The following OPCML variants were observed in gnomAD, a reference collection of about 807,000 sequenced individuals.
OPCML encodes opioid binding protein/cell adhesion molecule like.
In OPCML, 13 loss-of-function variants were observed where a neutral mutation model predicts 37.8. The ratio of observed to expected loss-of-function variants is 0.34; its 90% CI spans 0.22 to 0.55. OPCML has a LOEUF of 0.55. Among genes scored for constraint, OPCML ranks in the 20% least tolerant of loss-of-function variants. The pLI is 0.91. For synonymous variants in OPCML, 176 were observed against 168.8 expected, an observed-to-expected ratio of 1.04 and a Z score of -0.33; for missense variants, 341 against 435.6, an observed-to-expected ratio of 0.78 and a Z score of 1.93.
intron 2 of OPCML, among the ~76,000 whole-genome samples, chr11:132,837,840 T>C (rs1306103943): frequency 2.0e-5 from 3 of 152,174 alleles, no homozygotes; most frequent in South Asian, 2.1e-4. Flanking sequence ...GCTAAGCGGG[T>C]CAGTACCAAG....
At chr11:132,990,913 T>C (rs1946762347) in intron 1 of OPCML, among the ~76,000 whole-genome samples, 1 of 152,220 alleles carries the variant, frequency 6.6e-6, no homozygotes, top group Non-Finnish European at 1.5e-5. Context: ...ACAAAGCTTA[T>C]AAATGATGAA....
chr11:133,015,431 TGAAG>T (rs768763860), intron 1 of OPCML, among the ~76,000 whole-genome samples: 2,510 of 46,130 alleles, frequency 0.054, 50 homozygotes, highest in Middle Eastern at 0.12. Context: ...AAGGAAGGAA[TGAAG>T]GAAGGAAGGA....
At chr11:132,420,787 C>G (rs1230226537) in intron 7 of OPCML, among the ~76,000 whole-genome samples, 1 of 152,128 alleles carries the variant, frequency 6.6e-6, no homozygotes, top group East Asian at 1.9e-4. Context: ...ATGCATGCAA[C>G]CTAGGTGTTG....
chr11:133,437,443 A>T (rs1481231453), intron 1 of OPCML, among the ~76,000 whole-genome samples: 4 of 152,092 alleles, frequency 2.6e-5, no homozygotes, highest in Admixed American at 2.6e-4. Context: ...CACTTGGGAA[A>T]TTGCAGGTCC....
At chr11:133,479,052 C>T (rs553276635) in intron 1 of OPCML, among the ~76,000 whole-genome samples, 7 of 152,260 alleles carry the variant, frequency 4.6e-5, no homozygotes, top group South Asian at 2.1e-4. Context: ...GATAACAGGA[C>T]GCACTTTAAA....
chr11:133,224,646 G>A (rs1173474784), intron 1 of OPCML, among the ~76,000 whole-genome samples: 1 of 152,242 alleles, frequency 6.6e-6, no homozygotes, highest in African/African-American at 2.4e-5. Context: ...CCCCAGGCCT[G>A]TGGTTTCTCC....
At chr11:132,629,420 G>A (rs1399627572) in intron 3 of OPCML, among the ~76,000 whole-genome samples, 1 of 152,036 alleles carries the variant, frequency 6.6e-6, no homozygotes, top group African/African-American at 2.4e-5. Flanking sequence ...TTTCTACTTG[G>A]ACCACACAGA....
chr11:133,429,847 A>G (rs1195108608), intron 1 of OPCML, among the ~76,000 whole-genome samples: 2 of 152,196 alleles, frequency 1.3e-5, no homozygotes, highest in Non-Finnish European at 2.9e-5. Flanking sequence ...CTAGGTGGAA[A>G]TGTTGAGAAG....
intron 1 of OPCML, among the ~76,000 whole-genome samples, chr11:133,073,994 C>T (rs1948584468): frequency 6.6e-6 from 1 of 152,200 alleles, no homozygotes; most frequent in African/African-American, 2.4e-5. Flanking sequence ...GTATATTCTT[C>T]AATATTAATC....
intron 1 of OPCML, chr11:133,066,905 C>A (rs1591969547): frequency 6.6e-6 from 1 of 152,294 alleles, no homozygotes; most frequent in East Asian, 1.9e-4. Context: ...TCTCGAACTC[C>A]TGACCTCAGA....
chr11:133,086,973 G>C (rs1395886272), intron 1 of OPCML, among the ~76,000 whole-genome samples: 1 of 152,122 alleles, frequency 6.6e-6, no homozygotes, highest in African/African-American at 2.4e-5. Flanking sequence ...TTAACCCTTA[G>C]AACCTAAGTA....
intron 1 of OPCML, chr11:133,361,575 G>A (rs1944421050): frequency 6.2e-6 from 1 of 162,394 alleles, no homozygotes; most frequent in South Asian, 1.2e-4. Context: ...CTACTCCGGG[G>A]CACCTGCAGC....
intron 2 of OPCML, among the ~76,000 whole-genome samples, chr11:132,908,571 C>T (rs1182465923): frequency 1.3e-5 from 2 of 152,220 alleles, no homozygotes; most frequent in African/African-American, 4.8e-5. Context: ...CTCCCTTGTG[C>T]AATTCAGGCT....
At chr11:133,351,805 G>A (rs1038196335) in intron 1 of OPCML, among the ~76,000 whole-genome samples, 48 of 151,846 alleles carry the variant, frequency 3.2e-4, no homozygotes, top group Admixed American at 2.7e-3. Flanking sequence ...GGAATTTCAT[G>A]CCATGCCATA....
intron 1 of OPCML, among the ~76,000 whole-genome samples, chr11:133,429,611 T>A (rs576858050): frequency 6.6e-6 from 1 of 152,184 alleles, no homozygotes; most frequent in South Asian, 2.1e-4. Flanking sequence ...GTGCAGATGG[T>A]ATGGAAGATT....
At chr11:132,508,106 A>C (rs1057060218) in intron 4 of OPCML, among the ~76,000 whole-genome samples, 13 of 152,224 alleles carry the variant, frequency 8.5e-5, no homozygotes, top group Non-Finnish European at 1.6e-4. Flanking sequence ...AATAATAAAA[A>C]TGGCAAAGTA....
At chr11:132,743,969 A>G (rs1827313076) in intron 2 of OPCML, among the ~76,000 whole-genome samples, 1 of 152,182 alleles carries the variant, frequency 6.6e-6, no homozygotes, top group Admixed American at 6.5e-5. Context: ...TGGACCTTAT[A>G]CATAGCATAA....
chr11:133,043,275 T>G (rs933428451), intron 1 of OPCML, among the ~76,000 whole-genome samples: 1 of 152,208 alleles, frequency 6.6e-6, no homozygotes, highest in Non-Finnish European at 1.5e-5. Context: ...TATTTTGACT[T>G]GAAACTGGCC....
intron 1 of OPCML, among the ~76,000 whole-genome samples, chr11:133,136,111 G>A (rs1291092616): frequency 1.3e-5 from 2 of 152,216 alleles, no homozygotes; most frequent in African/African-American, 4.8e-5. Context: ...GATGCTCAGG[G>A]ATGTAGTGTT....
Sources: allele counts gnomAD v4.1 joint callset (sites outside exome capture counted in the v4.1 genomes callset), GRCh38; gene constraint gnomAD v4.1.1; transcripts MANE v1.5; gene names NCBI Gene and HGNC (gene_info 2026-07-23, HGNC 2026-07-21).